Variants in LHFPL1 observed in about 807,000 individuals in gnomAD.
The protein encoded by LHFPL1 is LHFPL tetraspan subfamily member 1 protein.
LHFPL1 carries 4 observed loss-of-function variants against 12.1 expected under a neutral mutation model. The observed-to-expected ratio is 0.33, with a 90% CI of 0.16 to 0.76. LHFPL1 has a LOEUF of 0.76. LHFPL1 is among the 30% of genes least tolerant of loss of function. The pLI is 0.61. For missense variants in LHFPL1, 141 were observed against 174.1 expected, an observed-to-expected ratio of 0.81 and a Z score of 1.07; for synonymous variants, 52 against 61.9, an observed-to-expected ratio of 0.84 and a Z score of 0.75.
At chrX:112,662,331 C>T (rs778405379) in intron 2 of LHFPL1, among the ~76,000 whole-genome samples, 1 of 112,001 alleles carries the variant, frequency 8.9e-6, no homozygotes, top group East Asian at 2.8e-4. Flanking sequence ...CAGTGAAAAG[C>T]GGGCTGCTCT....
rs1930267896 is a variant in LHFPL1, at chrX:112,634,104, T to G, written c.482-2503A>C. 3.6e-5 allele frequency among the ~76,000 whole-genome samples: 4 copies of G among 111,718 alleles called. No individual in the cohort carries two copies. The Admixed American group carries it at 3.8e-4, about 11-fold the overall frequency. Reference sequence around the variant, plus strand: ...TCAGTGGGAAGAAGACTGCAGACTTTATTGCACCTACTTCACAAACCATAA... The same window carrying G: ...TCAGTGGGAAGAAGACTGCAGACTTGATTGCACCTACTTCACAAACCATAA... On this transcript the variant is annotated intron_variant, in intron 3 of 3. Transcript: ENST00000371968.
chrX:112,650,340 G>A (rs979024203), intron 3 of LHFPL1, among the ~76,000 whole-genome samples: 12 of 111,132 alleles, frequency 1.1e-4, no homozygotes, highest in Middle Eastern at 4.6e-3. Context: ...TTCTCCTCCA[G>A]CTGCTGCTCA....
chrX:112,667,974 T>C (rs763441066), intron 2 of LHFPL1, among the ~76,000 whole-genome samples: 1 of 110,976 alleles, frequency 9.0e-6, no homozygotes, highest in East Asian at 2.8e-4. Context: ...AAGGGGGTAG[T>C]TCTTAATGGA....
chrX:112,675,214 A>G lies in LHFPL1; in HGVS notation c.-14-3810T>C, dbSNP rs543475047. On this transcript the variant is annotated intron_variant, in intron 1 of 3. Coordinates refer to ENST00000371968, the MANE Select transcript of LHFPL1 (RefSeq NM_178175.4). ...CGCCAAAATCTCACAAATCACCACT[A>G]AAGAACTTACTCATGTAACCAAATA... is the stretch of plus-strand genomic sequence containing the variant. 1.2e-3 allele frequency among the ~76,000 whole-genome samples: 136 copies of G among 111,369 alleles called. 2 individuals carry two copies. The South Asian group carries it at 0.05, about 41-fold the overall frequency.
intron 2 of LHFPL1, among the ~76,000 whole-genome samples, chrX:112,665,857 G>A (rs900719595): frequency 8.9e-6 from 1 of 111,799 alleles, no homozygotes; most frequent in African/African-American, 3.3e-5. Flanking sequence ...CCTCCTTCCA[G>A]CCACACCACA....
intron 3 of LHFPL1, among the ~76,000 whole-genome samples, chrX:112,645,616 C>T (rs1888605183): frequency 9.0e-6 from 1 of 111,503 alleles, no homozygotes; most frequent in South Asian, 3.8e-4. Context: ...TGCAAAAGCC[C>T]GGTCTTACAA....
intron 3 of LHFPL1, among the ~76,000 whole-genome samples, chrX:112,639,254 C>A (rs1198136432): frequency 9.4e-6 from 1 of 106,906 alleles, no homozygotes; most frequent in Admixed American, 1.0e-4. Flanking sequence ...GTGTCAACAG[C>A]AGCCCAGATT....
chrX:112,667,070 A>G (rs966749904), intron 2 of LHFPL1, among the ~76,000 whole-genome samples: 3 of 111,897 alleles, frequency 2.7e-5, no homozygotes, highest in African/African-American at 9.8e-5. Flanking sequence ...AAATAAAATG[A>G]TATCTGGTAA....
At chrX:112,641,042 C>T (rs188577461) in intron 3 of LHFPL1, among the ~76,000 whole-genome samples, 57 of 111,460 alleles carry the variant, frequency 5.1e-4, no homozygotes, top group Admixed American at 4.4e-3. Flanking sequence ...AGCTGATTTA[C>T]CTCAGGACTC....
At chrX:112,635,686 G>A (rs1393548589) in intron 3 of LHFPL1, among the ~76,000 whole-genome samples, 1 of 112,027 alleles carries the variant, frequency 8.9e-6, no homozygotes. Context: ...ATTATTTGCA[G>A]CTGGGAAAAT....
intron 3 of LHFPL1, 91 bp downstream of exon 3, chrX:112,660,536 T>C (rs1449213415): frequency 8.9e-6 from 6 of 674,244 alleles, no homozygotes; most frequent in Non-Finnish European, 1.4e-5. Context: ...TTCAGGCAAG[T>C]ACCACTAGCA....
intron 2 of LHFPL1, chrX:112,661,637 T>C (rs1260447172): frequency 8.9e-6 from 1 of 111,911 alleles, no homozygotes; most frequent in African/African-American, 3.3e-5. Flanking sequence ...CTGGAATTTT[T>C]AATTGAGAAG....
chrX:112,650,495 G>A (rs1362770587), intron 3 of LHFPL1, among the ~76,000 whole-genome samples: 1 of 111,574 alleles, frequency 9.0e-6, no homozygotes, highest in Non-Finnish European at 1.9e-5. Flanking sequence ...GACTGCAATG[G>A]TCACTTCTCT....
chrX:112,668,640 G>A (rs994021755), intron 2 of LHFPL1, among the ~76,000 whole-genome samples: 11 of 112,733 alleles, frequency 9.8e-5, no homozygotes, highest in East Asian at 8.4e-4. Context: ...AATGATGCTC[G>A]TGTTTTTATT....
intron 1 of LHFPL1, among the ~76,000 whole-genome samples, chrX:112,672,298 T>C (rs749363677): frequency 1.3e-4 from 15 of 112,021 alleles, no homozygotes; most frequent in African/African-American, 4.2e-4. Context: ...TGTAAGGACC[T>C]TTCAAGGTCC....
At chrX:112,668,091 C>A (rs1005376813) in intron 2 of LHFPL1, among the ~76,000 whole-genome samples, 1 of 111,736 alleles carries the variant, frequency 8.9e-6, no homozygotes, top group East Asian at 2.8e-4. Flanking sequence ...TGCCAAGAAG[C>A]AGCCAGACCT....
At chrX:112,654,261 A>G (rs764002674) in intron 3 of LHFPL1, among the ~76,000 whole-genome samples, 14 of 112,091 alleles carry the variant, frequency 1.2e-4, no homozygotes, top group Admixed American at 2.8e-4. Flanking sequence ...ATATGATTCA[A>G]TCATTCAACA....
At chrX:112,669,599 A>T (rs149745593) in intron 2 of LHFPL1, among the ~76,000 whole-genome samples, 1,175 of 112,489 alleles carry the variant, frequency 0.01, 8 homozygotes, top group African/African-American at 0.036. Context: ...ACAGAATCTG[A>T]TGCTTTTCAT....
At chrX:112,646,893 G>GA (rs746526475) in intron 3 of LHFPL1, among the ~76,000 whole-genome samples, 2 of 111,492 alleles carry the variant, frequency 1.8e-5, no homozygotes, top group Non-Finnish European at 3.8e-5. Context: ...CAATGGAGAG[G>GA]AAAAAAGTCA....
Sources: gnomAD v4.1 joint callset for allele counts (sites outside exome capture counted in the v4.1 genomes callset) on GRCh38, gnomAD v4.1.1 for gene constraint, MANE v1.5 for transcripts, NCBI Gene and HGNC (gene_info 2026-07-23, HGNC 2026-07-21) for gene names.